NRXN3: variants seen among roughly 807,000 people sequenced by gnomAD.
The protein encoded by NRXN3 is neurexin III.
A neutral mutation model predicts 137.6 loss-of-function variants in NRXN3; 32 were observed. That is an observed-to-expected ratio of 0.23 (90% CI 0.18 to 0.31). NRXN3 has a LOEUF of 0.31. NRXN3 is among the 10% of genes least tolerant of loss of function. The pLI is 1.00. For missense variants in NRXN3, 1,574 were observed against 2,062.5 expected (o/e 0.76, Z 4.59); for synonymous variants, 798 against 784.5 (o/e 1.02, Z -0.29).
intron 4 of NRXN3, among the ~76,000 whole-genome samples, chr14:78,360,011 A>G (rs1164618404): frequency 6.6e-6 from 1 of 152,030 alleles, no homozygotes; most frequent in East Asian, 1.9e-4. Flanking sequence ...TATACCCTTC[A>G]CCAATAAAGT....
At chr14:78,552,707 TAAAC>T (rs963274459) in intron 4 of NRXN3, among the ~76,000 whole-genome samples, 32 of 152,138 alleles carry the variant, frequency 2.1e-4, no homozygotes, top group African/African-American at 7.2e-4. Context: ...TAGAAATAAA[TAAAC>T]AACATTTTTG....
intron 15 of NRXN3, among the ~76,000 whole-genome samples, chr14:79,364,683 G>C: frequency 6.6e-6 from 1 of 151,984 alleles, no homozygotes; most frequent in Middle Eastern, 3.4e-3. Context: ...CAAAATAAAT[G>C]CAAAGAGAGC....
chr14:78,883,972 A>G (rs886699860), intron 10 of NRXN3, among the ~76,000 whole-genome samples: 17 of 152,210 alleles, frequency 1.1e-4, no homozygotes, highest in Admixed American at 5.2e-4. Flanking sequence ...GTAATGGTCA[A>G]GTGTCATTGA....
intron 6 of NRXN3, among the ~76,000 whole-genome samples, chr14:78,672,118 C>T (rs549884059): frequency 1.3e-5 from 2 of 152,088 alleles, no homozygotes; most frequent in Non-Finnish European, 2.9e-5. Flanking sequence ...TAACAAAATG[C>T]TATATCATAT....
chr14:79,718,565 ATTC>A (rs2098831545), intron 19 of NRXN3, among the ~76,000 whole-genome samples: 1 of 152,140 alleles, frequency 6.6e-6, no homozygotes, highest in East Asian at 1.9e-4. Flanking sequence ...TATTGCTTTA[ATTC>A]TGATGAAGTT....
At chr14:78,368,969 G>C (rs2086407088) in intron 4 of NRXN3, among the ~76,000 whole-genome samples, 1 of 152,028 alleles carries the variant, frequency 6.6e-6, no homozygotes, top group African/African-American at 2.4e-5. Flanking sequence ...TTACTCACTG[G>C]TCTTCTGGGC....
Position 78,254,191 on chromosome 14 carries a change from G to C in NRXN3, c.709+10389G>C, listed in dbSNP as rs542345573. Among the ~76,000 whole-genome samples the C allele has an allele frequency of 2.0e-5, 3 of 152,278 alleles. No individual in the cohort carries two copies. In the East Asian group the frequency reaches 5.8e-4, roughly 29 times the overall value. Reference sequence around the variant, plus strand: ...TGTGGGAAGAGATTTGATGTAAGCAGGTGACTCATACTCCAGTCATTTTGC... The same window carrying C: ...TGTGGGAAGAGATTTGATGTAAGCACGTGACTCATACTCCAGTCATTTTGC... On this transcript the variant is annotated intron_variant, in intron 2 of 20. Coordinates refer to ENST00000335750, the MANE Select transcript of NRXN3 (RefSeq NM_001330195.2).
chr14:78,424,501 T>C (rs555785191), intron 4 of NRXN3, among the ~76,000 whole-genome samples: 1 of 152,360 alleles, frequency 6.6e-6, no homozygotes, highest in East Asian at 1.9e-4. Context: ...CTTTTGATCA[T>C]TTCTTTCAGT....
At chr14:79,470,425 G>A (rs1050043682) in intron 16 of NRXN3, among the ~76,000 whole-genome samples, 4 of 152,086 alleles carry the variant, frequency 2.6e-5, no homozygotes, top group Non-Finnish European at 4.4e-5. Context: ...AGGAGGGGAG[G>A]AACCCCATGT....
chr14:79,139,181 T>A (rs2058550519), intron 15 of NRXN3, among the ~76,000 whole-genome samples: 1 of 152,210 alleles, frequency 6.6e-6, no homozygotes, highest in South Asian at 2.1e-4. Context: ...TGCTCCTGGA[T>A]CTACTTTGAA....
chr14:79,752,663 G>A (rs369163313), intron 19 of NRXN3, among the ~76,000 whole-genome samples: 18,700 of 152,020 alleles, frequency 0.12, 1,335 homozygotes, highest in Middle Eastern at 0.21. Context: ...CATGGGCAAG[G>A]ACTTCATGTC....
At chr14:79,777,438 T>C (rs2099100407) in intron 19 of NRXN3, among the ~76,000 whole-genome samples, 2 of 151,198 alleles carry the variant, frequency 1.3e-5, no homozygotes, top group African/African-American at 4.9e-5. Context: ...TGTTTCAAAC[T>C]GTAGTGCAAG....
chr14:78,413,887 C>T (rs2092981393), intron 4 of NRXN3, among the ~76,000 whole-genome samples: 1 of 152,144 alleles, frequency 6.6e-6, no homozygotes. Flanking sequence ...CCCATGTGTC[C>T]ATGAGAGGGA....
intron 15 of NRXN3, chr14:79,280,374 G>A (rs2081077188): frequency 6.2e-7 from 1 of 1,614,136 alleles, no homozygotes. Context: ...TTCTGGGGAT[G>A]TATCGTCAGC....
At chr14:79,304,700 G>A (rs965468338) in intron 15 of NRXN3, among the ~76,000 whole-genome samples, 3 of 152,058 alleles carry the variant, frequency 2.0e-5, no homozygotes, top group Non-Finnish European at 4.4e-5. Flanking sequence ...ACAAGAAATA[G>A]CTCAAGTTAA....
chr14:79,599,267 G>A, intron 16 of NRXN3, among the ~76,000 whole-genome samples: 1 of 152,154 alleles, frequency 6.6e-6, no homozygotes, highest in East Asian at 1.9e-4. Context: ...CTCATTTGAA[G>A]ATTCTAATTG....
chr14:79,032,294 A>G (rs1291032103), intron 15 of NRXN3, among the ~76,000 whole-genome samples: 4 of 152,192 alleles, frequency 2.6e-5, no homozygotes, highest in Admixed American at 2.6e-4. Flanking sequence ...AATTCCAGGC[A>G]TCAAGTCGTT....
At chr14:79,845,885 AGATG>A (rs1357903074) in intron 20 of NRXN3, among the ~76,000 whole-genome samples, 5 of 72,360 alleles carry the variant, frequency 6.9e-5, no homozygotes, top group African/African-American at 2.0e-4. Flanking sequence ...AGAGAGAGAG[AGATG>A]GAGAGAAAGA....
chr14:78,476,595 A>G (rs969013698), intron 4 of NRXN3, among the ~76,000 whole-genome samples: 31 of 152,176 alleles, frequency 2.0e-4, no homozygotes, highest in Admixed American at 1.2e-3. Flanking sequence ...CTACAAAACT[A>G]TCTTTCTTTC....
Sources: allele counts gnomAD v4.1 joint callset (sites outside exome capture counted in the v4.1 genomes callset), GRCh38; gene constraint gnomAD v4.1.1; transcripts MANE v1.5; gene names NCBI Gene and HGNC (gene_info 2026-07-23, HGNC 2026-07-21).